FABP7: variants seen among roughly 807,000 people sequenced by gnomAD.
FABP7 encodes the protein fatty acid binding protein 7.
Under a neutral mutation model 14.2 loss-of-function variants are expected in FABP7, and 13 were observed. That is an observed-to-expected ratio of 0.91 (90% CI 0.59 to 1.45). FABP7 has a LOEUF of 1.45. Among genes scored for constraint, FABP7 ranks in the 40% most tolerant of loss-of-function variants. FABP7 has a pLI of 0.00. For synonymous variants in FABP7, 49 were observed against 51.4 expected (o/e 0.95, Z 0.20); for missense variants, 149 against 157.6 (o/e 0.95, Z 0.29).
chr6:122,781,633 A>C, intron 3 of FABP7: 1 of 1,071,996 alleles, frequency 9.3e-7, no homozygotes, highest in Non-Finnish European at 1.1e-6. Context: ...AACAGTTTAT[A>C]TTTTAATTTA....
chr6:122,755,035 C>A, the FABP7 span, among the ~76,000 whole-genome samples: 1 of 151,996 alleles, frequency 6.6e-6, no homozygotes, highest in Non-Finnish European at 1.5e-5. Flanking sequence ...TTCACTACTT[C>A]CAATAGTGCT....
chr6:122,765,039 A>G, the FABP7 span, among the ~76,000 whole-genome samples: 1 of 152,194 alleles, frequency 6.6e-6, no homozygotes, highest in Non-Finnish European at 1.5e-5. Context: ...TGAGAATGCC[A>G]GTTGATTGAT....
the FABP7 span, among the ~76,000 whole-genome samples, chr6:122,771,857 C>T: frequency 1.3e-5 from 2 of 152,050 alleles, no homozygotes; most frequent in African/African-American, 4.8e-5. Flanking sequence ...TTTTTTGACC[C>T]TTTCTGGTTT....
chr6:122,759,000 A>G, the FABP7 span, among the ~76,000 whole-genome samples: 4 of 152,236 alleles, frequency 2.6e-5, no homozygotes, highest in Non-Finnish European at 5.9e-5. Flanking sequence ...TTACTTAAAG[A>G]AACAAGCTCC....
rs762519134 is a variant in FABP7 at position 122,783,777 on chromosome 6, T to C, written c.*10T>C. The C allele has an allele frequency of 1.5e-5, 24 of 1,607,022 alleles. No individual in the cohort carries two copies. In the South Asian group the frequency reaches 2.6e-4, roughly 17 times the overall value. ...CTATGAGAAGGCATAAAAATGTTCC[T>C]GGTCGGGGCTTGGAAGAGCTCTTCA... On this transcript the variant is annotated 3_prime_UTR_variant, in exon 4 of 4. Transcript: ENST00000368444.
At chr6:122,782,901 C>A in intron 3 of FABP7, 2 of 985,276 alleles carry the variant, frequency 2.0e-6, no homozygotes, top group Non-Finnish European at 2.4e-6. Context: ...CTAAAAGATT[C>A]GCTCTGAAGT....
the FABP7 span, among the ~76,000 whole-genome samples, chr6:122,755,478 A>G: frequency 1.9e-5 from 1 of 52,300 alleles, no homozygotes; most frequent in Admixed American, 1.8e-4. Context: ...TTTTTTTTTG[A>G]GACGGAGTCT....
the FABP7 span, among the ~76,000 whole-genome samples, chr6:122,774,605 A>G: frequency 7.2e-5 from 11 of 152,112 alleles, no homozygotes; most frequent in African/African-American, 2.7e-4. Flanking sequence ...ATATGGAGTT[A>G]TAGAACAGTC....
chr6:122,749,881 G>T, the FABP7 span, among the ~76,000 whole-genome samples: 1 of 152,212 alleles, frequency 6.6e-6, no homozygotes, highest in Non-Finnish European at 1.5e-5. Context: ...TCATGTTGCA[G>T]TTTATGGTTC....
chr6:122,775,759 G>A (rs1780662941), upstream of FABP7, among the ~76,000 whole-genome samples: 1 of 151,406 alleles, frequency 6.6e-6, no homozygotes, highest in Non-Finnish European at 1.5e-5. Context: ...CTACAGAATG[G>A]AAGAAAATAT....
intron 3 of FABP7, chr6:122,781,644 TAAAGTTACAC>T: frequency 9.5e-7 from 1 of 1,055,386 alleles, no homozygotes; most frequent in Non-Finnish European, 1.1e-6. Flanking sequence ...TTTTAATTTA[TAAAGTTACAC>T]AAGTTCTGGG....
the FABP7 span, among the ~76,000 whole-genome samples, chr6:122,760,418 T>C: frequency 6.6e-6 from 1 of 152,304 alleles, no homozygotes. Context: ...TTTTAACATA[T>C]GTGACTTTAT....
At chr6:122,766,552 A>T in the FABP7 span, among the ~76,000 whole-genome samples, 2 of 152,168 alleles carry the variant, frequency 1.3e-5, no homozygotes, top group South Asian at 4.1e-4. Context: ...AAGTCCATAC[A>T]GTATTAGATG....
chr6:122,774,525 T>C, the FABP7 span, among the ~76,000 whole-genome samples: 1 of 152,110 alleles, frequency 6.6e-6, no homozygotes, highest in South Asian at 2.1e-4. Flanking sequence ...AGCTACTATT[T>C]GAAAGCAACC....
the FABP7 span, among the ~76,000 whole-genome samples, chr6:122,754,387 C>T: frequency 1.3e-5 from 2 of 152,182 alleles, no homozygotes; most frequent in East Asian, 3.9e-4. Flanking sequence ...TTCCTCCTCC[C>T]TATTTCAATG....
chr6:122,755,497 A>T, the FABP7 span, among the ~76,000 whole-genome samples: 1 of 134,436 alleles, frequency 7.4e-6, no homozygotes, highest in Non-Finnish European at 1.5e-5. Context: ...CTCGCTCTGT[A>T]GCCCAGGCTG....
chr6:122,753,177 G>T, the FABP7 span, among the ~76,000 whole-genome samples: 3 of 152,134 alleles, frequency 2.0e-5, no homozygotes, highest in African/African-American at 7.2e-5. Flanking sequence ...ACTGCTTTCT[G>T]GCAGCCCTGC....
the FABP7 span, among the ~76,000 whole-genome samples, chr6:122,767,773 AAG>A: frequency 6.7e-6 from 1 of 149,246 alleles, no homozygotes; most frequent in African/African-American, 2.4e-5. Context: ...AAAAAAAAAG[AAG>A]AGAGAGAGAG....
chr6:122,771,017 T>C, the FABP7 span, among the ~76,000 whole-genome samples: 524 of 152,336 alleles, frequency 3.4e-3, 15 homozygotes, highest in East Asian at 0.051. Flanking sequence ...TGAGACAGAA[T>C]GCACACAAGT....
Sources: allele counts gnomAD v4.1 joint callset (sites outside exome capture counted in the v4.1 genomes callset), GRCh38; gene constraint gnomAD v4.1.1; transcripts MANE v1.5; gene names NCBI Gene and HGNC (gene_info 2026-07-23, HGNC 2026-07-21).